The following CCDC91 variants were observed in gnomAD, a reference collection of about 807,000 sequenced individuals.
CCDC91 encodes the protein coiled-coil domain-containing protein 91.
A neutral mutation model predicts 63.2 loss-of-function variants in CCDC91; 48 were observed. The observed-to-expected ratio is 0.76, with a 90% confidence interval of 0.60 to 0.97. The LOEUF is 0.97. Ranked by LOEUF, CCDC91 falls within the 50% of genes least tolerant of loss-of-function variation. The pLI, the probability that CCDC91 is intolerant of heterozygous loss-of-function variation, is 0.00. For missense variants in CCDC91, 500 were observed against 494.6 expected (o/e 1.01, Z -0.10); for synonymous variants, 167 against 165.8 (o/e 1.01, Z -0.06).
At chr12:28,302,083 T>C (rs1412405337) in intron 3 of CCDC91, among the ~76,000 whole-genome samples, 1 of 151,972 alleles carries the variant, frequency 6.6e-6, no homozygotes, top group Non-Finnish European at 1.5e-5. Flanking sequence ...CTTTTTTGTT[T>C]CTTTTTTAGT....
intron 8 of CCDC91, among the ~76,000 whole-genome samples, chr12:28,432,241 C>G (rs1276149549): frequency 6.6e-6 from 1 of 152,036 alleles, no homozygotes; most frequent in East Asian, 1.9e-4. Context: ...TATCCATTTA[C>G]ATACTAAAGG....
chr12:28,351,816 G>T (rs549132642), intron 6 of CCDC91, among the ~76,000 whole-genome samples: 2 of 152,168 alleles, frequency 1.3e-5, no homozygotes, highest in South Asian at 2.1e-4. Context: ...TTCATCCTAG[G>T]CTTGCTGTAT....
At chr12:28,528,385 T>C (rs1941457128) in intron 12 of CCDC91, among the ~76,000 whole-genome samples, 1 of 152,186 alleles carries the variant, frequency 6.6e-6, no homozygotes, top group Non-Finnish European at 1.5e-5. Flanking sequence ...TTTCCCATCA[T>C]CTAGAGCTTC....
intron 7 of CCDC91, among the ~76,000 whole-genome samples, chr12:28,377,643 TATC>T (rs1303470202): frequency 2.6e-5 from 4 of 151,960 alleles, no homozygotes; most frequent in African/African-American, 9.7e-5. Flanking sequence ...AATTTTTTTA[TATC>T]ATCTTCTCAA....
At chr12:28,519,541 C>G (rs569804901) in intron 12 of CCDC91, among the ~76,000 whole-genome samples, 3 of 150,830 alleles carry the variant, frequency 2.0e-5, no homozygotes, top group South Asian at 4.3e-4. Context: ...TTTGGATGCT[C>G]TTTGTATCTT....
chr12:28,190,717 G>T (rs1941129837), intron 1 of CCDC91, 76 bp downstream of exon 1: 1 of 150,610 alleles, frequency 6.6e-6, no homozygotes, highest in African/African-American at 2.4e-5. Context: ...GCGCCCCACC[G>T]GGGGAGGAGC....
At chr12:28,449,593 C>CTT (rs1166268306) in intron 8 of CCDC91, among the ~76,000 whole-genome samples, 1 of 151,972 alleles carries the variant, frequency 6.6e-6, no homozygotes, top group Non-Finnish European at 1.5e-5. Context: ...GATACATTAA[C>CTT]TTTATACACA....
At chr12:28,530,204 G>T (rs1345009512) in intron 12 of CCDC91, among the ~76,000 whole-genome samples, 1 of 152,124 alleles carries the variant, frequency 6.6e-6, no homozygotes, top group Non-Finnish European at 1.5e-5. Context: ...GTCATAAAAA[G>T]CAATAAGGCT....
At chr12:28,513,545 CA>C (rs1221916535) in intron 12 of CCDC91, among the ~76,000 whole-genome samples, 2 of 151,628 alleles carry the variant, frequency 1.3e-5, no homozygotes, top group East Asian at 3.9e-4. Flanking sequence ...ATTCCAAAAT[CA>C]AAAAAATCCA....
chr12:28,499,338 A>T (rs1007335005), intron 12 of CCDC91, among the ~76,000 whole-genome samples: 1 of 146,152 alleles, frequency 6.8e-6, no homozygotes, highest in Admixed American at 6.8e-5. Flanking sequence ...TTCACTTGGA[A>T]TATATGGCAC....
intron 1 of CCDC91, among the ~76,000 whole-genome samples, chr12:28,192,050 A>G (rs965107858): frequency 3.9e-5 from 6 of 152,244 alleles, no homozygotes; most frequent in Non-Finnish European, 8.8e-5. Flanking sequence ...GGAAAAATGT[A>G]GCTTCTTATT....
intron 8 of CCDC91, among the ~76,000 whole-genome samples, chr12:28,399,218 A>G (rs1946467446): frequency 6.6e-6 from 1 of 152,188 alleles, no homozygotes; most frequent in Admixed American, 6.5e-5. Flanking sequence ...CAATCATAGC[A>G]GAAGGGGAAG....
At chr12:28,196,054 G>T (rs979589169) in intron 1 of CCDC91, among the ~76,000 whole-genome samples, 3 of 152,212 alleles carry the variant, frequency 2.0e-5, no homozygotes, top group African/African-American at 7.2e-5. Context: ...GCAGTGAGTT[G>T]TGATCATGCC....
intron 12 of CCDC91, among the ~76,000 whole-genome samples, chr12:28,508,238 G>A (rs1452428111): frequency 1.3e-5 from 2 of 151,876 alleles, no homozygotes. Flanking sequence ...TCTTTTCTGG[G>A]GAGACTTAAA....
At chr12:28,437,512 C>T (rs1191118806) in intron 8 of CCDC91, among the ~76,000 whole-genome samples, 2 of 151,994 alleles carry the variant, frequency 1.3e-5, no homozygotes, top group Non-Finnish European at 2.9e-5. Flanking sequence ...GAGAGCTAAA[C>T]ATTTTGACAT....
At chr12:28,400,591 T>G (rs999573479) in intron 8 of CCDC91, among the ~76,000 whole-genome samples, 4 of 152,172 alleles carry the variant, frequency 2.6e-5, no homozygotes, top group Non-Finnish European at 5.9e-5. Context: ...TTTTCCCAAC[T>G]TTTATGCTCT....
rs976752041 is a variant in CCDC91 at position 28,276,802 on chromosome 12, CA to C, written c.109+17367del. Among the ~76,000 whole-genome samples the C allele has an allele frequency of 2.6e-5, 4 of 151,910 alleles. No homozygotes were observed. The South Asian group carries it at 8.3e-4, about 32-fold the overall frequency. On this transcript the variant is annotated intron_variant, in intron 3 of 12. Transcript: ENST00000536442. ...ATTAGTTAAGATTTTTGTAAGCTAA[CA>C]AAAAAATCGAATGTTACAGAATCTG... is the stretch of plus-strand genomic sequence containing the variant.
intron 8 of CCDC91, among the ~76,000 whole-genome samples, chr12:28,392,530 C>T (rs1406032722): frequency 6.6e-6 from 1 of 152,172 alleles, no homozygotes; most frequent in Non-Finnish European, 1.5e-5. Context: ...GGAAATGACA[C>T]ATTCGATTTC....
intron 8 of CCDC91, among the ~76,000 whole-genome samples, chr12:28,392,578 G>A (rs1296765456): frequency 1.3e-5 from 2 of 152,166 alleles, no homozygotes; most frequent in African/African-American, 4.8e-5. Flanking sequence ...TCACAATGGG[G>A]CCAGAGAGTG....
Sources: allele counts gnomAD v4.1 joint callset (sites outside exome capture counted in the v4.1 genomes callset), GRCh38; gene constraint gnomAD v4.1.1; transcripts MANE v1.5; gene names NCBI Gene and HGNC (gene_info 2026-07-23, HGNC 2026-07-21).